The following IL1RAPL2 variants were observed in gnomAD, a reference collection of about 807,000 sequenced individuals.
IL1RAPL2 encodes interleukin 1 receptor accessory protein like 2, also known as X-linked interleukin-1 receptor accessory protein-like 2.
IL1RAPL2 carries 3 observed loss-of-function variants against 44.1 expected under a neutral mutation model. The observed-to-expected ratio is 0.07, with a 90% CI of 0.03 to 0.18. IL1RAPL2 has a LOEUF of 0.18. Ranked by LOEUF, IL1RAPL2 falls within the 10% of genes least tolerant of loss-of-function variation. The pLI, the probability that IL1RAPL2 is intolerant of heterozygous loss-of-function variation, is 1.00. For synonymous variants in IL1RAPL2, 181 were observed against 178.8 expected (o/e 1.01, Z -0.10); for missense variants, 391 against 496.4 (o/e 0.79, Z 2.02).
chrX:104,988,841 C>G (rs1433401039), intron 2 of IL1RAPL2, among the ~76,000 whole-genome samples: 1 of 111,885 alleles, frequency 8.9e-6, no homozygotes. Flanking sequence ...AATCTACAAA[C>G]ATACAACTAT....
intron 5 of IL1RAPL2, among the ~76,000 whole-genome samples, chrX:105,401,082 A>G (rs1294934319): frequency 9.0e-6 from 1 of 111,571 alleles, no homozygotes; most frequent in Non-Finnish European, 1.9e-5. Flanking sequence ...AGAAGAGGAC[A>G]AACTCATTCC....
chrX:105,039,611 G>A (rs985969149), intron 2 of IL1RAPL2, among the ~76,000 whole-genome samples: 3 of 111,453 alleles, frequency 2.7e-5, no homozygotes, highest in Non-Finnish European at 3.8e-5. Context: ...CCCTTGTAAG[G>A]TGGATTCCTA....
At chrX:105,590,849 T>TGTGTGTGTGTGTGTGTGTG (rs1569456765) in intron 6 of IL1RAPL2, among the ~76,000 whole-genome samples, 3 of 80,808 alleles carry the variant, frequency 3.7e-5, no homozygotes, top group African/African-American at 1.6e-4. Context: ...GTGTGTGTGT[T>TGTGTGTGTGTGTGTGTGTG]TGTGTGTGTT....
chrX:104,671,910 G>A, intron 2 of IL1RAPL2, among the ~76,000 whole-genome samples: 1 of 110,997 alleles, frequency 9.0e-6, no homozygotes, highest in Non-Finnish European at 1.9e-5. Context: ...TGCAATCAGG[G>A]CCTTTGAAAC....
intron 2 of IL1RAPL2, among the ~76,000 whole-genome samples, chrX:105,118,105 C>G (rs748785604): frequency 2.7e-5 from 3 of 112,367 alleles, no homozygotes; most frequent in South Asian, 3.7e-4. Flanking sequence ...AAGGGAAATT[C>G]CAAAATAGTT....
chrX:104,891,693 G>A (rs1923445030), intron 2 of IL1RAPL2, among the ~76,000 whole-genome samples: 1 of 111,497 alleles, frequency 9.0e-6, no homozygotes, highest in Non-Finnish European at 1.9e-5. Context: ...GGAGATTTTG[G>A]GCTGAAATGA....
intron 2 of IL1RAPL2, among the ~76,000 whole-genome samples, chrX:105,052,322 A>G (rs2031938517): frequency 8.9e-6 from 1 of 112,100 alleles, no homozygotes; most frequent in Non-Finnish European, 1.9e-5. Context: ...CTTAGAGCCC[A>G]TTGTCTGGGA....
chrX:105,163,071 G>T (rs2033340888), intron 2 of IL1RAPL2, among the ~76,000 whole-genome samples: 1 of 111,679 alleles, frequency 9.0e-6, no homozygotes, highest in South Asian at 3.8e-4. Flanking sequence ...TGACCCAGGG[G>T]CTAAATCTGG....
intron 2 of IL1RAPL2, among the ~76,000 whole-genome samples, chrX:104,780,618 A>G (rs1932765801): frequency 8.9e-6 from 1 of 111,747 alleles, no homozygotes; most frequent in Admixed American, 9.6e-5. Context: ...CTCTATTTCT[A>G]TAGAGCATTG....
At chrX:104,664,533 C>T (rs1226588742) in intron 2 of IL1RAPL2, among the ~76,000 whole-genome samples, 2 of 111,314 alleles carry the variant, frequency 1.8e-5, no homozygotes, top group African/African-American at 6.5e-5. Context: ...CTTAACACTT[C>T]CTGAATATTA....
At chrX:104,937,308 T>C (rs1448810856) in intron 2 of IL1RAPL2, among the ~76,000 whole-genome samples, 1 of 112,292 alleles carries the variant, frequency 8.9e-6, no homozygotes, top group African/African-American at 3.2e-5. Flanking sequence ...TGGTCCATTA[T>C]CCATTACAGG....
chrX:105,238,453 G>A (rs2147639106), intron 4 of IL1RAPL2, among the ~76,000 whole-genome samples: 1 of 111,166 alleles, frequency 9.0e-6, no homozygotes, highest in African/African-American at 3.3e-5. Context: ...CTGAAAAATA[G>A]CAGAACAGTG....
chrX:105,677,622 A>G (rs1414495266), intron 6 of IL1RAPL2, among the ~76,000 whole-genome samples: 1 of 111,587 alleles, frequency 9.0e-6, no homozygotes, highest in Non-Finnish European at 1.9e-5. Flanking sequence ...AGCTCTCTCA[A>G]TCTCAGTACT....
intron 2 of IL1RAPL2, among the ~76,000 whole-genome samples, chrX:104,812,199 T>G (rs886624026): frequency 9.0e-6 from 1 of 111,497 alleles, no homozygotes; most frequent in Non-Finnish European, 1.9e-5. Flanking sequence ...TTCCAGCCTG[T>G]GATCCTAGAC....
intron 2 of IL1RAPL2, among the ~76,000 whole-genome samples, chrX:104,896,032 GTGT>G (rs1473896165): frequency 1.8e-5 from 2 of 111,734 alleles, no homozygotes; most frequent in Non-Finnish European, 3.8e-5. Flanking sequence ...TAGGGGAGGA[GTGT>G]TGTTTTTATA....
intron 2 of IL1RAPL2, among the ~76,000 whole-genome samples, chrX:104,997,590 C>A (rs1161261501): frequency 1.8e-5 from 2 of 111,589 alleles, no homozygotes. Context: ...ACTTTTTCAA[C>A]AGTTAGAAAA....
At chrX:104,950,387 G>T (rs144031709) in intron 2 of IL1RAPL2, among the ~76,000 whole-genome samples, 1 of 112,468 alleles carries the variant, frequency 8.9e-6, no homozygotes, top group Non-Finnish European at 1.9e-5. Flanking sequence ...AGACAGGGAC[G>T]TTTAAGTCTA....
chrX:104,752,944 CTT>C (rs1328456680), intron 2 of IL1RAPL2, among the ~76,000 whole-genome samples: 2 of 109,823 alleles, frequency 1.8e-5, no homozygotes, highest in African/African-American at 6.6e-5. Flanking sequence ...ATGGTTATAA[CTT>C]TGCTCATGTG....
At chrX:105,028,384 C>G (rs909417624) in intron 2 of IL1RAPL2, among the ~76,000 whole-genome samples, 2 of 111,455 alleles carry the variant, frequency 1.8e-5, no homozygotes, top group Admixed American at 1.9e-4. Context: ...GATAGATATC[C>G]TATTCTCCAT....
Sources: allele counts gnomAD v4.1 joint callset (sites outside exome capture counted in the v4.1 genomes callset), GRCh38; gene constraint gnomAD v4.1.1; transcripts MANE v1.5; gene names NCBI Gene and HGNC (gene_info 2026-07-23, HGNC 2026-07-21).